Variants in TAFA4 observed in about 807,000 individuals in gnomAD.
The protein encoded by TAFA4 is chemokine-like protein TAFA-4.
TAFA4 carries 20 observed loss-of-function variants against 21.1 expected under a neutral mutation model. The ratio of observed to expected loss-of-function variants is 0.95; its 90% CI spans 0.67 to 1.38. The LOEUF is 1.38. Ranked by LOEUF, TAFA4 falls within the 40% of genes most tolerant of loss-of-function variation. The pLI is 0.00. For synonymous variants in TAFA4, 71 were observed against 67.4 expected (o/e 1.05, Z -0.26); for missense variants, 211 against 180.9 (o/e 1.17, Z -0.95).
intron 3 of TAFA4, among the ~76,000 whole-genome samples, chr3:68,838,111 C>T (rs920889491): frequency 6.6e-6 from 1 of 152,042 alleles, no homozygotes; most frequent in Non-Finnish European, 1.5e-5. Flanking sequence ...ATAGTCACAA[C>T]TATGTTGTAT....
intron 1 of TAFA4, among the ~76,000 whole-genome samples, chr3:68,910,729 C>T (rs988877269): frequency 5.3e-5 from 8 of 152,200 alleles, no homozygotes; most frequent in African/African-American, 1.2e-4. Context: ...AAGAATTGTT[C>T]TGCAGGGTTG....
intron 3 of TAFA4, among the ~76,000 whole-genome samples, chr3:68,753,261 G>A (rs961051747): frequency 6.6e-6 from 1 of 151,808 alleles, no homozygotes; most frequent in African/African-American, 2.4e-5. Flanking sequence ...CAACCCCTGG[G>A]GTCACACTCA....
chr3:68,871,876 G>A (rs1346562011), intron 3 of TAFA4, among the ~76,000 whole-genome samples: 1 of 152,064 alleles, frequency 6.6e-6, no homozygotes, highest in South Asian at 2.1e-4. Context: ...AGTCAAAATG[G>A]TTTTTATCAA....
chr3:68,738,603 A>C (rs1237894649), intron 5 of TAFA4, among the ~76,000 whole-genome samples: 3 of 152,206 alleles, frequency 2.0e-5, no homozygotes, highest in Admixed American at 2.0e-4. Flanking sequence ...CTGGGTAGAC[A>C]ATGGTGTTCT....
intron 1 of TAFA4, among the ~76,000 whole-genome samples, chr3:68,912,652 C>T (rs966300927): frequency 6.6e-6 from 1 of 152,134 alleles, no homozygotes; most frequent in African/African-American, 2.4e-5. Context: ...AGCTGAAAAC[C>T]GGGAGGACCA....
intron 3 of TAFA4, among the ~76,000 whole-genome samples, chr3:68,793,281 A>C (rs557257075): frequency 6.6e-6 from 1 of 152,320 alleles, no homozygotes; most frequent in East Asian, 1.9e-4. Context: ...TATTGTTTTT[A>C]AATTCCACCA....
At chr3:68,883,973 A>G (rs1049320677) in intron 2 of TAFA4, among the ~76,000 whole-genome samples, 1 of 129,710 alleles carries the variant, frequency 7.7e-6, no homozygotes, top group Non-Finnish European at 1.6e-5. Flanking sequence ...GGAGGCAGGG[A>G]GGGAAAGACA....
chr3:68,810,155 G>C (rs1703800797), intron 3 of TAFA4, among the ~76,000 whole-genome samples: 1 of 152,178 alleles, frequency 6.6e-6, no homozygotes, highest in African/African-American at 2.4e-5. Flanking sequence ...TCTGTACATT[G>C]CTTTGGGTAA....
chr3:68,801,828 C>A (rs560146662), intron 3 of TAFA4, among the ~76,000 whole-genome samples: 1 of 152,060 alleles, frequency 6.6e-6, no homozygotes, highest in African/African-American at 2.4e-5. Context: ...TCAAAGTTTA[C>A]CAACCTCTGA....
At chr3:68,792,931 C>T (rs1161703622) in intron 3 of TAFA4, among the ~76,000 whole-genome samples, 1 of 152,160 alleles carries the variant, frequency 6.6e-6, no homozygotes, top group Non-Finnish European at 1.5e-5. Flanking sequence ...CTGAGGCCAT[C>T]TACACAAAGG....
At chr3:68,810,174 T>C (rs551746196) in intron 3 of TAFA4, among the ~76,000 whole-genome samples, 20 of 152,292 alleles carry the variant, frequency 1.3e-4, no homozygotes, top group Non-Finnish European at 2.5e-4. Context: ...AATGTGGACA[T>C]TTCAACAATA....
intron 3 of TAFA4, among the ~76,000 whole-genome samples, chr3:68,759,525 C>T (rs113450681): frequency 6.6e-6 from 1 of 152,092 alleles, no homozygotes; most frequent in South Asian, 2.1e-4. Context: ...GTTCAATAAG[C>T]CTGGTACCAG....
intron 3 of TAFA4, among the ~76,000 whole-genome samples, chr3:68,824,797 GA>G (rs1704189902): frequency 6.6e-6 from 1 of 152,176 alleles, no homozygotes; most frequent in African/African-American, 2.4e-5. Flanking sequence ...GCAAGGGGCA[GA>G]ACTAGGATTC....
chr3:68,869,453 G>A (rs980263921), intron 3 of TAFA4, among the ~76,000 whole-genome samples: 18 of 151,812 alleles, frequency 1.2e-4, no homozygotes, highest in African/African-American at 3.6e-4. Flanking sequence ...AGATGTAAAC[G>A]TCCTCAACAA....
At chr3:68,853,737 C>T (rs558584107) in intron 3 of TAFA4, among the ~76,000 whole-genome samples, 1 of 152,238 alleles carries the variant, frequency 6.6e-6, no homozygotes, top group African/African-American at 2.4e-5. Context: ...TAGCTAAGGG[C>T]AGGTAAGAAG....
At chr3:68,746,856 G>T (rs1702467700) in intron 4 of TAFA4, among the ~76,000 whole-genome samples, 1 of 152,144 alleles carries the variant, frequency 6.6e-6, no homozygotes, top group Non-Finnish European at 1.5e-5. Context: ...CTAAGTCAGG[G>T]TTTCTCAACC....
intron 3 of TAFA4, among the ~76,000 whole-genome samples, chr3:68,765,696 A>G (rs1487111981): frequency 6.6e-6 from 1 of 152,210 alleles, no homozygotes; most frequent in Middle Eastern, 3.2e-3. Flanking sequence ...AAAGAAAAGG[A>G]AAACATAAGA....
chr3:68,798,622 GT>G (rs1289529733), intron 3 of TAFA4, among the ~76,000 whole-genome samples: 8 of 152,148 alleles, frequency 5.3e-5, no homozygotes, highest in Non-Finnish European at 7.4e-5. Context: ...ATCATTTGTT[GT>G]TTAGATTCAT....
chr3:68,829,743 A>G (rs1704335256), intron 3 of TAFA4, among the ~76,000 whole-genome samples: 5 of 152,134 alleles, frequency 3.3e-5, no homozygotes, highest in Admixed American at 3.3e-4. Context: ...CTATTGATTG[A>G]AATAGTTTCA....
Sources: allele counts gnomAD v4.1 joint callset (sites outside exome capture counted in the v4.1 genomes callset), GRCh38; gene constraint gnomAD v4.1.1; transcripts MANE v1.5; gene names NCBI Gene and HGNC (gene_info 2026-07-23, HGNC 2026-07-21).